The following USP12 variants were observed in gnomAD, a reference collection of about 807,000 sequenced individuals.
USP12 encodes the protein ubiquitin carboxyl-terminal hydrolase 12.
USP12 carries 19 observed loss-of-function variants against 45.5 expected under a neutral mutation model. The observed-to-expected ratio is 0.42, with a 90% CI of 0.29 to 0.61. The LOEUF is 0.61. Among genes scored for constraint, USP12 ranks in the 20% least tolerant of loss-of-function variants. The pLI, the probability that USP12 is intolerant of heterozygous loss-of-function variation, is 0.22. For missense variants in USP12, 242 were observed against 447.7 expected, an observed-to-expected ratio of 0.54 and a Z score of 4.15; for synonymous variants, 149 against 148.8, an observed-to-expected ratio of 1.00 and a Z score of -0.01.
chr13:27,143,668 CAG>C (rs1877174174), intron 1 of USP12, among the ~76,000 whole-genome samples: 1 of 152,180 alleles, frequency 6.6e-6, no homozygotes, highest in African/African-American at 2.4e-5. Flanking sequence ...TTCAGCATCA[CAG>C]AGTGATACAA....
At chr13:27,074,388 A>G (rs550106838) in intron 7 of USP12, among the ~76,000 whole-genome samples, 8 of 152,214 alleles carry the variant, frequency 5.3e-5, no homozygotes, top group African/African-American at 1.9e-4. Context: ...CCACAGAGCA[A>G]GACTCCATCT....
At chr13:27,157,903 A>G (rs914201138) in intron 1 of USP12, among the ~76,000 whole-genome samples, 2 of 152,146 alleles carry the variant, frequency 1.3e-5, no homozygotes, top group African/African-American at 2.4e-5. Context: ...GGTCTCCCCA[A>G]CTAGACTGCA....
chr13:27,132,698 G>A lies in USP12; in HGVS notation c.49-16102C>T, dbSNP rs78587448. 5.0e-3 allele frequency among the ~76,000 whole-genome samples: 769 copies of A among 152,326 alleles called. 21 individuals are homozygous for A. The East Asian group carries it at 0.062, about 12-fold the overall frequency. ...ATGTGTGTGAGGAGCTGGTGGGCACGTTAACAAGAAGAGCAGTACTCAGAA... is the reference window on the plus strand; with the variant it reads ...ATGTGTGTGAGGAGCTGGTGGGCACATTAACAAGAAGAGCAGTACTCAGAA... On this transcript the variant is annotated intron_variant, in intron 1 of 8. Coordinates refer to ENST00000282344, the MANE Select transcript of USP12 (RefSeq NM_182488.4).
At chr13:27,165,926 AAAT>A (rs552833788) in intron 1 of USP12, among the ~76,000 whole-genome samples, 23 of 152,024 alleles carry the variant, frequency 1.5e-4, no homozygotes, top group African/African-American at 2.2e-4. Context: ...AGAGCAAAAA[AAAT>A]AATAATAATT....
At chr13:27,072,332 G>A (rs73155861) in intron 7 of USP12, among the ~76,000 whole-genome samples, 12,151 of 152,014 alleles carry the variant, frequency 0.08, 558 homozygotes, top group Middle Eastern at 0.11. Context: ...GGTAAGGACT[G>A]GTAAATTGAA....
intron 8 of USP12, among the ~76,000 whole-genome samples, chr13:27,069,890 T>C (rs1593167710): frequency 6.6e-6 from 1 of 152,138 alleles, no homozygotes; most frequent in Admixed American, 6.5e-5. Flanking sequence ...GAGGTGGTGG[T>C]GAGCCGAGAT....
At chr13:27,115,249 G>C (rs1875671500) in intron 2 of USP12, among the ~76,000 whole-genome samples, 1 of 152,064 alleles carries the variant, frequency 6.6e-6, no homozygotes, top group East Asian at 1.9e-4. Flanking sequence ...CTGAAATGCT[G>C]TTTTTTAAAT....
intron 1 of USP12, among the ~76,000 whole-genome samples, chr13:27,144,661 C>T (rs1015469428): frequency 1.3e-5 from 2 of 151,092 alleles, no homozygotes; most frequent in Non-Finnish European, 2.9e-5. Context: ...CAATCAAAAG[C>T]ATAAACCTAG....
chr13:27,115,816 A>G (rs1478315097), intron 2 of USP12, among the ~76,000 whole-genome samples: 1 of 152,204 alleles, frequency 6.6e-6, no homozygotes, highest in Non-Finnish European at 1.5e-5. Context: ...CAAATACCCC[A>G]CAGACACATG....
chr13:27,133,206 C>T (rs1876593095), intron 1 of USP12, among the ~76,000 whole-genome samples: 1 of 152,158 alleles, frequency 6.6e-6, no homozygotes, highest in African/African-American at 2.4e-5. Context: ...TATTCCAGTT[C>T]AATAAACTTA....
chr13:27,125,898 G>C (rs1876210328), intron 1 of USP12, among the ~76,000 whole-genome samples: 1 of 152,028 alleles, frequency 6.6e-6, no homozygotes, highest in African/African-American at 2.4e-5. Flanking sequence ...GAGCTTGGCA[G>C]GGGGAGGGGC....
chr13:27,137,840 C>T (rs1876876215), intron 1 of USP12, among the ~76,000 whole-genome samples: 1 of 152,210 alleles, frequency 6.6e-6, no homozygotes, highest in African/African-American at 2.4e-5. Context: ...AGACTTGCTC[C>T]CTGACTCCCT....
At chr13:27,074,920 A>C (rs985849544) in intron 7 of USP12, among the ~76,000 whole-genome samples, 1 of 152,218 alleles carries the variant, frequency 6.6e-6, no homozygotes, top group African/African-American at 2.4e-5. Flanking sequence ...AAAAAAGGAA[A>C]AGAAAAACTA....
chr13:27,138,153 A>C (rs114212174), intron 1 of USP12, among the ~76,000 whole-genome samples: 1 of 152,360 alleles, frequency 6.6e-6, no homozygotes, highest in African/African-American at 2.4e-5. Context: ...ATATAACATG[A>C]GTTCACTTCA....
chr13:27,091,268 C>T (rs1547189), intron 4 of USP12, among the ~76,000 whole-genome samples: 107,396 of 152,110 alleles, frequency 0.71, 40,119 homozygotes, highest in East Asian at 0.93. Context: ...CAGATCAGGC[C>T]GGAATTTACA....
At chr13:27,139,201 G>A (rs997841605) in intron 1 of USP12, among the ~76,000 whole-genome samples, 1 of 152,124 alleles carries the variant, frequency 6.6e-6, no homozygotes, top group African/African-American at 2.4e-5. Context: ...TCTATGTATC[G>A]ATTCATACCT....
At position 27,068,816 on chromosome 13, in the gene USP12, A is replaced by G. The variant is rs1873106417; in HGVS notation, c.*467T>C. 6.3e-6 allele frequency: 1 copy of G among 157,974 alleles called. No individual in the cohort carries two copies. The highest frequency in any genetic ancestry group is 2.4e-5 in the African/African-American group (1 of 41,484). 9.8% of individuals were successfully genotyped at this position (157,974 alleles called of 1,614,324 possible). ...AAGGCAACTGCAAGTGTTGGGCCCA[A>G]AAGTATTTCTGGTTTACTCTTGAAA... On this transcript the variant is annotated 3_prime_UTR_variant, in exon 9 of 9. Transcript: ENST00000282344.
chr13:27,162,683 G>A (rs780728980), intron 1 of USP12, among the ~76,000 whole-genome samples: 1 of 152,136 alleles, frequency 6.6e-6, no homozygotes, highest in Non-Finnish European at 1.5e-5. Context: ...ATTTTAGGTA[G>A]GTTTCTTATT....
intron 3 of USP12, among the ~76,000 whole-genome samples, chr13:27,101,589 T>C (rs1874863277): frequency 6.6e-6 from 1 of 152,188 alleles, no homozygotes; most frequent in African/African-American, 2.4e-5. Context: ...AGACAGACAA[T>C]TTCATTATTA....
Sources: allele counts gnomAD v4.1 joint callset (sites outside exome capture counted in the v4.1 genomes callset), GRCh38; gene constraint gnomAD v4.1.1; transcripts MANE v1.5; gene names NCBI Gene and HGNC (gene_info 2026-07-23, HGNC 2026-07-21).